ADAMTS6: variants seen among roughly 807,000 people sequenced by gnomAD.
The protein encoded by ADAMTS6 is A disintegrin and metalloproteinase with thrombospondin motifs 6.
In ADAMTS6, 23 loss-of-function variants were observed where a neutral mutation model predicts 144.3. The ratio of observed to expected loss-of-function variants is 0.16; its 90% CI spans 0.11 to 0.23. ADAMTS6 has a LOEUF of 0.23. Among genes scored for constraint, ADAMTS6 ranks in the 10% least tolerant of loss-of-function variants. The pLI is 1.00. For missense variants in ADAMTS6, 999 were observed against 1,379.6 expected (o/e 0.72, Z 4.37); for synonymous variants, 444 against 457.5 (o/e 0.97, Z 0.38).
intron 7 of ADAMTS6, among the ~76,000 whole-genome samples, chr5:65,384,904 G>A (rs965400232): frequency 1.3e-5 from 2 of 152,206 alleles, no homozygotes; most frequent in Admixed American, 1.3e-4. Context: ...AGGCAGGGAA[G>A]AAGATCAAGG....
At chr5:65,460,378 A>G in intron 3 of ADAMTS6, 40 bp from the exon 4 acceptor site, 1 of 1,519,770 alleles carries the variant, frequency 6.6e-7, no homozygotes, top group South Asian at 1.3e-5. Context: ...AAAGAGAATC[A>G]TTTTAAATAT....
intron 24 of ADAMTS6, among the ~76,000 whole-genome samples, chr5:65,164,151 T>A (rs1752980023): frequency 6.6e-6 from 1 of 151,696 alleles, no homozygotes; most frequent in Non-Finnish European, 1.5e-5. Flanking sequence ...TGCCAGACAG[T>A]GGGCGCAGGC....
chr5:65,401,703 C>A (rs942014907), intron 7 of ADAMTS6, among the ~76,000 whole-genome samples: 1 of 152,148 alleles, frequency 6.6e-6, no homozygotes, highest in African/African-American at 2.4e-5. Context: ...CTGTATTTGT[C>A]TGTCACTCCA....
chr5:65,412,661 A>G (rs1455042615), intron 7 of ADAMTS6, among the ~76,000 whole-genome samples: 2 of 152,202 alleles, frequency 1.3e-5, no homozygotes, highest in Non-Finnish European at 2.9e-5. Context: ...AATGATCCAT[A>G]TAGGAAATAT....
At chr5:65,318,605 T>C (rs1423979206) in intron 9 of ADAMTS6, among the ~76,000 whole-genome samples, 1 of 152,216 alleles carries the variant, frequency 6.6e-6, no homozygotes, top group Non-Finnish European at 1.5e-5. Flanking sequence ...GAGATCATTA[T>C]GCTAAGCGAA....
chr5:65,456,337 T>G (rs1759199932), intron 4 of ADAMTS6, among the ~76,000 whole-genome samples: 1 of 152,202 alleles, frequency 6.6e-6, no homozygotes, highest in Non-Finnish European at 1.5e-5. Context: ...TAGGAAACAT[T>G]GCTCATAAAC....
intron 9 of ADAMTS6, among the ~76,000 whole-genome samples, chr5:65,323,372 G>GT (rs1266511755): frequency 6.7e-6 from 1 of 148,734 alleles, no homozygotes; most frequent in Non-Finnish European, 1.5e-5. Flanking sequence ...GCAGTGTTTG[G>GT]TTTTTTGTCC....
chr5:65,470,670 T>G, intron 3 of ADAMTS6, 108 bp downstream of exon 3: 1 of 886,840 alleles, frequency 1.1e-6, no homozygotes, highest in Non-Finnish European at 1.5e-6. Context: ...CCTTCCTACT[T>G]AAACTACCTA....
intron 3 of ADAMTS6, among the ~76,000 whole-genome samples, chr5:65,462,437 G>A (rs1432955185): frequency 1.3e-5 from 2 of 152,168 alleles, no homozygotes; most frequent in African/African-American, 2.4e-5. Context: ...GACTCTAGAA[G>A]AACAATCCAG....
chr5:65,480,221 G>A (rs896991674), intron 1 of ADAMTS6, among the ~76,000 whole-genome samples: 2 of 152,044 alleles, frequency 1.3e-5, no homozygotes, highest in African/African-American at 4.8e-5. Context: ...AACATAAAAA[G>A]AACATGTTGA....
chr5:65,220,472 C>T (rs1757241463), intron 18 of ADAMTS6, among the ~76,000 whole-genome samples: 1 of 152,028 alleles, frequency 6.6e-6, no homozygotes, highest in Non-Finnish European at 1.5e-5. Flanking sequence ...TAGCCGGGCG[C>T]AGTGGCTCAC....
intron 14 of ADAMTS6, among the ~76,000 whole-genome samples, chr5:65,252,950 G>A (rs1410834979): frequency 6.6e-6 from 1 of 151,938 alleles, no homozygotes; most frequent in Non-Finnish European, 1.5e-5. Flanking sequence ...AGGGTAGTGA[G>A]CCTCTCAGCT....
At chr5:65,202,614 T>C (rs534036388) in intron 20 of ADAMTS6, among the ~76,000 whole-genome samples, 1 of 152,296 alleles carries the variant, frequency 6.6e-6, no homozygotes, top group Admixed American at 6.5e-5. Flanking sequence ...AATAGTGCAT[T>C]TTCAGGTCTA....
chr5:65,329,510 G>C, intron 8 of ADAMTS6, 27 bp from the exon 9 acceptor site: 1 of 1,582,584 alleles, frequency 6.3e-7, no homozygotes, highest in Non-Finnish European at 8.6e-7. Context: ...AGACACAAAG[G>C]GTCAAGCCAA....
chr5:65,475,931 A>G (rs557609131), intron 1 of ADAMTS6, among the ~76,000 whole-genome samples: 2 of 151,684 alleles, frequency 1.3e-5, no homozygotes, highest in Non-Finnish European at 2.9e-5. Flanking sequence ...GATGAGCCCA[A>G]TAATCTGGCT....
At chr5:65,155,636 G>A (rs1752369995) in intron 24 of ADAMTS6, among the ~76,000 whole-genome samples, 1 of 152,144 alleles carries the variant, frequency 6.6e-6, no homozygotes, top group Non-Finnish European at 1.5e-5. Context: ...TATATAGACA[G>A]CAAAACATAA....
At chr5:65,210,859 A>G in intron 20 of ADAMTS6, 1 of 347,230 alleles carries the variant, frequency 2.9e-6, no homozygotes, top group Non-Finnish European at 5.4e-6. Flanking sequence ...TCTTGCTGCC[A>G]CAGGAGAGAA....
At chr5:65,477,394 T>A (rs921724226) in intron 1 of ADAMTS6, among the ~76,000 whole-genome samples, 2 of 152,220 alleles carry the variant, frequency 1.3e-5, no homozygotes, top group Non-Finnish European at 2.9e-5. Flanking sequence ...TTTTCTAGGT[T>A]TTGAAACTAC....
At chr5:65,245,079 AT>A (rs1759512730) in intron 14 of ADAMTS6, among the ~76,000 whole-genome samples, 1 of 152,094 alleles carries the variant, frequency 6.6e-6, no homozygotes, top group Non-Finnish European at 1.5e-5. Context: ...TAATACTCGT[AT>A]TTACTTCCTA....
Sources: gnomAD v4.1 joint callset for allele counts (sites outside exome capture counted in the v4.1 genomes callset) on GRCh38, gnomAD v4.1.1 for gene constraint, MANE v1.5 for transcripts, NCBI Gene and HGNC (gene_info 2026-07-23, HGNC 2026-07-21) for gene names.